The following ZNF354C variants were observed in gnomAD, a reference collection of about 807,000 sequenced individuals.
The protein encoded by ZNF354C is KRAB-zinc finger protein synten.
ZNF354C carries 7 observed loss-of-function variants against 12.4 expected under a neutral mutation model. That is an observed-to-expected ratio of 0.56 (90% CI 0.32 to 1.06). The LOEUF is 1.06. Ranked by LOEUF, ZNF354C falls within the 50% of genes least tolerant of loss-of-function variation. The pLI is 0.04. For missense variants in ZNF354C, 609 were observed against 658.0 expected (o/e 0.93, Z 0.81); for synonymous variants, 202 against 224.5 (o/e 0.90, Z 0.90).
chr5:179,066,825 A>C (rs1273738880), intron 2 of ZNF354C, among the ~76,000 whole-genome samples: 1 of 151,966 alleles, frequency 6.6e-6, no homozygotes, highest in Non-Finnish European at 1.5e-5. Context: ...CTAGGTGTAG[A>C]TATTTTGGTA....
Position 179,060,388 on chromosome 5 carries a change from G to GGCGGGGTTTCGGGGACAGCTC in ZNF354C, c.-328_-308dup. On this transcript the variant is annotated 5_prime_UTR_variant, in exon 1 of 5. Coordinates refer to ENST00000315475, the MANE Select transcript of ZNF354C (RefSeq NM_014594.3). This position sits in a 1 kb window ranked among gnomAD's most constrained non-coding sequence, Gnocchi z 4.2. The stretch of plus-strand genomic sequence containing the variant: ...CGGGAGTGGTAGTTCTCCCGCGGTT[G>GGCGGGGTTTCGGGGACAGCTC]GCGGGGTTTCGGGGACAGCTCGCGG... The GGCGGGGTTTCGGGGACAGCTC allele has an allele frequency of 6.6e-6, 1 of 152,516 alleles. No homozygotes were observed. Among genetic ancestry groups the GGCGGGGTTTCGGGGACAGCTC allele is most frequent in the African/African-American group, 2.4e-5 (1 of 41,592 alleles). 9.4% of individuals were successfully genotyped at this position (152,516 alleles called of 1,614,324 possible).
chr5:179,083,177 G>T lies in ZNF354C; in HGVS notation c.*3080G>T. The T allele has an allele frequency of 2.6e-6, 1 of 391,054 alleles. No homozygotes were observed. The highest frequency in any genetic ancestry group is 4.7e-6 in the Non-Finnish European group (1 of 213,820). The allele number at this position is 391,054 out of a possible 1,614,324, so 24.2% of individuals were successfully genotyped here. A position where few individuals can be genotyped will look rare whatever the true frequency, so the allele number is the denominator to read the frequency against. On this transcript the variant is annotated 3_prime_UTR_variant, in exon 5 of 5. Coordinates refer to ENST00000315475, the MANE Select transcript of ZNF354C (RefSeq NM_014594.3). The stretch of plus-strand genomic sequence containing the variant: ...GACAAGAGACATAACCAAATGGAAA[G>T]TGTGATCCTTTATTAGCTTCTGATT...
chr5:179,069,304 CA>C (rs1762009312), intron 2 of ZNF354C, among the ~76,000 whole-genome samples: 1 of 152,190 alleles, frequency 6.6e-6, no homozygotes, highest in South Asian at 2.1e-4. Flanking sequence ...ATCTGCCTGA[CA>C]AAACCTAGGT....
intron 1 of ZNF354C, among the ~76,000 whole-genome samples, chr5:179,061,677 C>T (rs1425765351): frequency 6.6e-6 from 1 of 151,936 alleles, no homozygotes; most frequent in Admixed American, 6.6e-5. Flanking sequence ...GATCAGCTAG[C>T]TAGGCTGGGA....
At position 179,071,367 on chromosome 5, in the gene ZNF354C, A is replaced by ATT. The variant is rs35793705; in HGVS notation, c.28-5059_28-5058dup. Among the ~76,000 whole-genome samples the ATT allele has an allele frequency of 6.6e-3, 873 of 131,506 alleles. 7 individuals carry two copies. The highest frequency in any genetic ancestry group is 0.022 in the African/African-American group (771 of 35,436). The allele number at this position is 131,506 out of a possible 152,430, so 86.3% of individuals were successfully genotyped here. A position where few individuals can be genotyped will look rare whatever the true frequency, so the allele number is the denominator to read the frequency against. On this transcript the variant is annotated intron_variant, in intron 2 of 4. Transcript: ENST00000315475. Reference sequence around the variant, plus strand: ...AATATTTAATGACTTTGCCAGGCTCATTTTTTTTTTTTTTTTTTTTACTTT... The same window carrying ATT: ...AATATTTAATGACTTTGCCAGGCTCATTTTTTTTTTTTTTTTTTTTTTACTTT...
intron 2 of ZNF354C, among the ~76,000 whole-genome samples, chr5:179,067,091 A>AC (rs1342347351): frequency 3.9e-5 from 6 of 152,242 alleles, no homozygotes; most frequent in Non-Finnish European, 8.8e-5. Flanking sequence ...ATCATTTCTC[A>AC]CAGTTTCTCT....
chr5:179,080,155 G>A lies in ZNF354C; in HGVS notation c.*58G>A. 3 of 1,270,956 alleles carry A rather than the reference G, an allele frequency of 2.4e-6. No homozygotes were observed. Among genetic ancestry groups the A allele is most frequent in the South Asian group, 3.1e-5 (2 of 64,284 alleles). The allele number at this position is 1,270,956 out of a possible 1,614,324, so 78.7% of individuals were successfully genotyped here. Reference sequence around the variant, plus strand: ...GGGGAATAAGGGAATAATAAATAGGGTACAAACTCCTAATAGATTTGTCTT... The same window carrying A: ...GGGGAATAAGGGAATAATAAATAGGATACAAACTCCTAATAGATTTGTCTT... On this transcript the variant is annotated 3_prime_UTR_variant, in exon 5 of 5. Coordinates refer to ENST00000315475, the MANE Select transcript of ZNF354C (RefSeq NM_014594.3).
intron 2 of ZNF354C, among the ~76,000 whole-genome samples, chr5:179,069,866 A>ACG (rs1762025844): frequency 3.9e-5 from 6 of 152,224 alleles, no homozygotes; most frequent in Non-Finnish European, 8.8e-5. Flanking sequence ...ACTCTGTCTC[A>ACG]AAAACAAACA....
At chr5:179,074,960 C>T (rs1212851385) in intron 2 of ZNF354C, among the ~76,000 whole-genome samples, 1 of 152,022 alleles carries the variant, frequency 6.6e-6, no homozygotes, top group Admixed American at 6.6e-5. Context: ...ACAAAGTCAA[C>T]ATATAAGTTA....
In ZNF354C at chr5:179,060,745, A is replaced by C. The variant is rs938142730; in HGVS notation, c.-55+79A>C. ...TTCATTCTGCGATTTTCTTCTGTGC[A>C]TTTTCTTCTGAGTAACGGAAATAAT... On this transcript the variant is annotated intron_variant, in intron 1 of 4. Coordinates refer to ENST00000315475, the MANE Select transcript of ZNF354C (RefSeq NM_014594.3). This position sits in a 1 kb window ranked among gnomAD's most constrained non-coding sequence, Gnocchi z 4.2. The C allele has an allele frequency of 6.6e-6, 1 of 152,094 alleles. No individual in the cohort carries two copies. The highest frequency in any genetic ancestry group is 1.5e-5 in the Non-Finnish European group (1 of 68,020). The allele number at this position is 152,094 out of a possible 1,614,324, so 9.4% of individuals were successfully genotyped here.
chr5:179,081,815 T>C lies in ZNF354C; in HGVS notation c.*1718T>C, dbSNP rs1762229996. ...GTGGGTGGTGTGGCTAAAATACTTT[T>C]TATTAAGAAAATAAAATAAAAAGCA... On this transcript the variant is annotated 3_prime_UTR_variant, in exon 5 of 5. Coordinates refer to ENST00000315475, the MANE Select transcript of ZNF354C (RefSeq NM_014594.3). 1 of 152,118 alleles carries C rather than the reference T, an allele frequency of 6.6e-6. No individual in the cohort carries two copies. The highest frequency in any genetic ancestry group is 1.5e-5 in the Non-Finnish European group (1 of 68,024). 9.4% of individuals were successfully genotyped at this position (152,118 alleles called of 1,614,324 possible).
In ZNF354C at chr5:179,062,083, G is replaced by A; in HGVS notation, c.15G>A (p.Leu5=). 1 of 1,614,174 alleles carries A rather than the reference G, an allele frequency of 6.2e-7. No individual in the cohort carries two copies. The highest frequency in any genetic ancestry group is 1.3e-5 in the African/African-American group (1 of 75,066). MAVD[L]LSAQEPVTFR... ...AGGAGGAAGGGATGGCTGTGGATCT[G>A]CTGTCTGCTCAGGTGAGAGTGAGTG... is the stretch of plus-strand genomic sequence containing the variant. The change falls in exon 2 of 5, where the codon CTG becomes CTA. Residue 5 remains leucine (L), a synonymous_variant. Transcript: ENST00000315475.
Position 179,082,523 on chromosome 5 carries a change from C to T in ZNF354C, c.*2426C>T, listed in dbSNP as rs1297365633. 1 of 630,026 alleles carries T rather than the reference C, an allele frequency of 1.6e-6. No homozygotes were observed. The highest frequency in any genetic ancestry group is 1.8e-5 in the African/African-American group (1 of 54,248). The allele number at this position is 630,026 out of a possible 1,614,324, so 39.0% of individuals were successfully genotyped here. A position where few individuals can be genotyped will look rare whatever the true frequency, so the allele number is the denominator to read the frequency against. On this transcript the variant is annotated 3_prime_UTR_variant, in exon 5 of 5. Transcript: ENST00000315475. The stretch of plus-strand genomic sequence containing the variant: ...CTTAAATTTATTTTTTTAAACATAA[C>T]ACGAGGAAGCTGTTAAAACTGGTGT...
chr5:179,074,536 TA>T (rs201180368), intron 2 of ZNF354C, among the ~76,000 whole-genome samples: 2,390 of 152,232 alleles, frequency 0.016, 56 homozygotes, highest in African/African-American at 0.053. Context: ...CTTGATTACA[TA>T]AAAAGGCCCC....
intron 2 of ZNF354C, among the ~76,000 whole-genome samples, chr5:179,064,568 C>G (rs1010324787): frequency 2.6e-5 from 4 of 151,914 alleles, no homozygotes; most frequent in Non-Finnish European, 4.4e-5. Context: ...AGGCGCCCAC[C>G]ACCACACTGG....
chr5:179,074,809 A>T (rs567756705), intron 2 of ZNF354C, among the ~76,000 whole-genome samples: 1 of 152,316 alleles, frequency 6.6e-6, no homozygotes, highest in South Asian at 2.1e-4. Context: ...TAGCATAAAG[A>T]AGGGTGGTGA....
intron 2 of ZNF354C, among the ~76,000 whole-genome samples, chr5:179,064,315 C>T (rs115454794): frequency 0.012 from 1,771 of 152,142 alleles, 48 homozygotes; most frequent in African/African-American, 0.04. Flanking sequence ...GATCTCGGCT[C>T]ACTGCAGGCT....
intron 2 of ZNF354C, 59 bp from the exon 3 acceptor site, chr5:179,076,386 C>T: frequency 6.2e-7 from 1 of 1,608,318 alleles, no homozygotes. Flanking sequence ...CACTTTCTTC[C>T]TGCATTTTCC....
chr5:179,078,162 T>C lies in ZNF354C; in HGVS notation c.251-521T>C, dbSNP rs538972191. Among the ~76,000 whole-genome samples the C allele has an allele frequency of 7.6e-4, 116 of 152,264 alleles. 1 individual carries two copies. In the South Asian group the frequency reaches 0.022, roughly 29 times the overall value. On this transcript the variant is annotated intron_variant, in intron 4 of 4. Transcript: ENST00000315475. ...ACTACAATATAAAATCACAGTCACATGAAGTAAAGAAATTTAAGAAAACCA... is the reference window on the plus strand; with the variant it reads ...ACTACAATATAAAATCACAGTCACACGAAGTAAAGAAATTTAAGAAAACCA...
Sources: allele counts gnomAD v4.1 joint callset (sites outside exome capture counted in the v4.1 genomes callset), GRCh38; gene constraint gnomAD v4.1.1; non-coding constraint Gnocchi (gnomAD v3.1); transcripts MANE v1.5; gene names NCBI Gene and HGNC (gene_info 2026-07-23, HGNC 2026-07-21).